The following MUC12 variants were observed in gnomAD, a reference collection of about 807,000 sequenced individuals.
MUC12 encodes mucin 12, cell surface associated.
Under a neutral mutation model 230.8 loss-of-function variants are expected in MUC12, and 172 were observed. The observed-to-expected ratio is 0.75, with a 90% CI of 0.66 to 0.85. The LOEUF (loss-of-function observed/expected upper bound fraction) is 0.85. Ranked by LOEUF, MUC12 falls within the 40% of genes least tolerant of loss-of-function variation. The probability of loss-of-function intolerance (pLI) is 0.00; values close to 1 mark genes in which losing one functional copy is unlikely to be tolerated. For missense variants in MUC12, 3,506 were observed against 5,920.6 expected, an observed-to-expected ratio of 0.59 and a Z score of 13.38; for synonymous variants, 1,259 against 2,401.9, an observed-to-expected ratio of 0.52 and a Z score of 13.91.
At position 101,004,432 on chromosome 7, in the gene MUC12, T is replaced by C. The variant is rs879072968; in HGVS notation, c.13869T>C (p.Ala4623=). 2.7e-6 allele frequency: 4 copies of C among 1,508,256 alleles called. No homozygotes were observed. Among genetic ancestry groups the C allele is most frequent in the African/African-American group, 3.2e-5 (2 of 63,056 alleles). 93.4% of individuals were successfully genotyped at this position (1,508,256 alleles called of 1,614,324 possible). A position where few individuals can be genotyped will look rare whatever the true frequency, so the allele number is the denominator to read the frequency against. ...TGCACTTCCCTGAAAGCTCCACAGC[T>C]TCAGGTCGTAGTGAAGAATCAAGAA... The part of the protein sequence containing the change: ...QTMHFPESST[A]SGRSEESRTS... Residue 4623 remains alanine (A), a synonymous_variant, in exon 2 of 12, where the codon GCT becomes GCC. Coordinates refer to ENST00000536621, the MANE Select transcript of MUC12 (RefSeq NM_001164462.2).
chr7:100,991,394 C>T lies in MUC12; in HGVS notation c.831C>T (p.Thr277=). 2.0e-6 allele frequency: 3 copies of T among 1,537,844 alleles called. No homozygotes were observed. The highest frequency in any genetic ancestry group is 2.6e-6 in the Non-Finnish European group (3 of 1,147,046). ...SSTTHEGEPT[T]FQSWPSSKDT... ...CAACCCATGAGGGAGAACCTACCACCTTCCAGAGCTGGCCAAGCTCAAAGG... is the reference window on the plus strand; with the variant it reads ...CAACCCATGAGGGAGAACCTACCACTTTCCAGAGCTGGCCAAGCTCAAAGG... Residue 277 remains threonine, a synonymous_variant, in exon 2 of 12, where the codon ACC becomes ACT. Transcript: ENST00000536621.
intron 10 of MUC12, 27 bp downstream of exon 10, chr7:101,015,718 G>A (rs1003600639): frequency 2.6e-6 from 4 of 1,528,080 alleles, no homozygotes; most frequent in Non-Finnish European, 3.5e-6. Flanking sequence ...GCAAGGAGAT[G>A]AGCAGAGCTG....
chr7:100,973,214 C>G (rs907459708), intron 1 of MUC12: 6 of 591,970 alleles, frequency 1.0e-5, no homozygotes, highest in African/African-American at 3.9e-5. Context: ...GAAGGCCCAG[C>G]TGAGAACCCA....
At chr7:101,008,949 C>G in intron 4 of MUC12, 146 bp from the exon 5 acceptor site, 1 of 1,228,674 alleles carries the variant, frequency 8.1e-7, no homozygotes, top group African/African-American at 1.5e-5. Flanking sequence ...CACATTATGG[C>G]AGAGGGAGCT....
chr7:101,007,641 C>T (rs1793775479), intron 3 of MUC12, among the ~76,000 whole-genome samples: 1 of 152,188 alleles, frequency 6.6e-6, no homozygotes, highest in Non-Finnish European at 1.5e-5. Context: ...TTTTCTCTAT[C>T]CATTCATCTG....
intron 1 of MUC12, among the ~76,000 whole-genome samples, chr7:100,975,361 G>T (rs1350453009): frequency 6.6e-6 from 1 of 152,308 alleles, no homozygotes. Context: ...TGAAGCTGGG[G>T]GTGGAAATGG....
rs200896835 is a variant in MUC12, at chr7:100,992,599, C to T, written c.2036C>T (p.Thr679Ile). The T allele has an allele frequency of 8.5e-6, 13 of 1,537,854 alleles. No homozygotes were observed. In the South Asian group the frequency reaches 1.5e-4, roughly 18 times the overall value. Residue 679 changes from threonine to isoleucine, a missense_variant, in exon 2 of 12, where the codon ACC (threonine) becomes ATC (isoleucine). Thr to Ile is a moderately conservative substitution (Grantham distance 89). Transcript: ENST00000536621. ...ACCCACATTTCTGCCCGCTCCACAA[C>T]CTCAGGCCTCGTTGAAGAATCTACG... is the stretch of plus-strand genomic sequence containing the variant. ...PTTHISARSTTSGLVEESTTY... is the reference protein window; with the variant it reads ...PTTHISARSTISGLVEESTTY...
At chr7:100,978,993 C>T (rs1793068268) in intron 1 of MUC12, among the ~76,000 whole-genome samples, 2 of 152,008 alleles carry the variant, frequency 1.3e-5, no homozygotes, top group South Asian at 4.2e-4. Flanking sequence ...AATGTTTGTA[C>T]AGATGGGGGT....
rs1793860243 is a variant in MUC12, at chr7:101,012,979, G to C, written c.15476-1G>C. ...GCATGCTGCCCGCCCCTCTCCCTCA[G>C]AGCAATGCACCCAGAAGGCTGCCGA... On this transcript the variant is annotated splice_acceptor_variant, in intron 7 of 11. Coordinates refer to ENST00000536621, the MANE Select transcript of MUC12 (RefSeq NM_001164462.2). LOFTEE classifies it high-confidence loss of function. 2 of 1,537,268 alleles carry C rather than the reference G, an allele frequency of 1.3e-6. No homozygotes were observed. Among genetic ancestry groups the C allele is most frequent in the Non-Finnish European group, 1.7e-6 (2 of 1,146,924 alleles).
At chr7:100,969,823 C>G in intron 1 of MUC12, 134 bp downstream of exon 1, 1 of 1,326,102 alleles carries the variant, frequency 7.5e-7, no homozygotes. Context: ...GGGCTGGAGA[C>G]CCGTGCTGTG....
At chr7:101,010,775 A>G (rs1229026268) in intron 5 of MUC12, among the ~76,000 whole-genome samples, 1 of 152,122 alleles carries the variant, frequency 6.6e-6, no homozygotes, top group Admixed American at 6.6e-5. Flanking sequence ...TTGGCCTCCA[A>G]AAATGCTGGG....
At chr7:100,976,494 C>T (rs969289616) in intron 1 of MUC12, among the ~76,000 whole-genome samples, 2 of 151,584 alleles carry the variant, frequency 1.3e-5, no homozygotes, top group Non-Finnish European at 2.9e-5. Context: ...GTCCCAGCTA[C>T]TTGGGAGGCT....
intron 1 of MUC12, chr7:100,973,163 G>C: frequency 1.6e-6 from 1 of 619,738 alleles, no homozygotes; most frequent in East Asian, 2.7e-5. Context: ...CATCAGAGAG[G>C]CCATTGAGAG....
rs1227415017 is a variant in MUC12 at position 101,002,910 on chromosome 7, C to T, written c.12347C>T (p.Thr4116Ile). Residue 4116 changes from threonine to isoleucine, a missense_variant, in exon 2 of 12, where the codon ACA (threonine) becomes ATA (isoleucine). Coordinates refer to ENST00000536621, the MANE Select transcript of MUC12 (RefSeq NM_001164462.2). ...TYHSRPSSTP[T>I]THFSASSTTL... is the part of the protein sequence containing the mutation. The stretch of plus-strand genomic sequence containing the variant: ...CACAGCCGCCCGAGCTCAACTCCAA[C>T]AACACACTTTTCTGCCAGTTCCACA... 2.4e-6 allele frequency: 3 copies of T among 1,230,584 alleles called. No individual in the cohort carries two copies. Among genetic ancestry groups the T allele is most frequent in the Non-Finnish European group, 3.4e-6 (3 of 893,736 alleles). 76.2% of individuals were successfully genotyped at this position (1,230,584 alleles called of 1,614,324 possible). A position where few individuals can be genotyped will look rare whatever the true frequency, so the allele number is the denominator to read the frequency against.
intron 10 of MUC12, chr7:101,016,961 G>C (rs1206751312): frequency 6.6e-6 from 1 of 152,484 alleles, no homozygotes; most frequent in Non-Finnish European, 1.5e-5. Context: ...TCCATTCATC[G>C]GGGAGAATGC....
chr7:100,984,771 G>A (rs1793163845), intron 1 of MUC12, among the ~76,000 whole-genome samples: 1 of 152,188 alleles, frequency 6.6e-6, no homozygotes, highest in African/African-American at 2.4e-5. Flanking sequence ...ATGATACAGG[G>A]TTATGTTAAA....
chr7:100,984,259 C>CTT (rs34134351), intron 1 of MUC12, among the ~76,000 whole-genome samples: 5 of 139,726 alleles, frequency 3.6e-5, no homozygotes, highest in Non-Finnish European at 4.7e-5. Flanking sequence ...TACTTTGCAT[C>CTT]TTTTTTTTTT....
At chr7:100,989,153 T>G (rs1377717251) in intron 1 of MUC12, among the ~76,000 whole-genome samples, 3 of 147,358 alleles carry the variant, frequency 2.0e-5, no homozygotes, top group Non-Finnish European at 4.5e-5. Context: ...CAGGCTGGAG[T>G]GCAGTGGTGC....
At position 101,015,644 on chromosome 7, in the gene MUC12, G is replaced by A. The variant is rs764770995; in HGVS notation, c.15830G>A (p.Arg5277Gln). Residue 5277 changes from arginine (R) to glutamine (Q), a missense_variant, in exon 10 of 12, where the codon CGA becomes CAA. By Grantham distance (43) the Arg-to-Gln change is conservative. Coordinates refer to ENST00000536621, the MANE Select transcript of MUC12 (RefSeq NM_001164462.2). ...REQYDVPQEW[R>Q]KEGTPGIFQK... is the part of the protein sequence containing the mutation. ...CAGTATGATGTGCCTCAAGAGTGGC[G>A]AAAGGAAGGCACCCCTGGCATCTTC... The A allele has an allele frequency of 4.9e-5, 76 of 1,537,544 alleles. 1 individual carries two copies. In the South Asian group the frequency reaches 8.0e-4, roughly 16 times the overall value.
Sources: gnomAD v4.1 joint callset for allele counts (sites outside exome capture counted in the v4.1 genomes callset) on GRCh38, gnomAD v4.1.1 for gene constraint, MANE v1.5 for transcripts, NCBI Gene and HGNC (gene_info 2026-07-23, HGNC 2026-07-21) for gene names.